The following MKLN1 variants were observed in gnomAD, a reference collection of about 807,000 sequenced individuals.
MKLN1 encodes muskelin 1.
MKLN1 carries 18 observed loss-of-function variants against 99.0 expected under a neutral mutation model. That is an observed-to-expected ratio of 0.18 (90% CI 0.13 to 0.27). The LOEUF (loss-of-function observed/expected upper bound fraction) is 0.27. MKLN1 is among the 10% of genes least tolerant of loss of function. MKLN1 has a pLI of 1.00. For missense variants in MKLN1, 621 were observed against 875.9 expected (o/e 0.71, Z 3.67); for synonymous variants, 288 against 293.2 (o/e 0.98, Z 0.18).
intron 3 of MKLN1, among the ~76,000 whole-genome samples, chr7:131,314,235 T>C (rs1798621755): frequency 6.6e-6 from 1 of 152,164 alleles, no homozygotes; most frequent in South Asian, 2.1e-4. Context: ...CAGAGTTTTG[T>C]GCTGGAAACT....
intron 2 of MKLN1, among the ~76,000 whole-genome samples, chr7:131,186,769 A>G (rs916445590): frequency 3.9e-5 from 6 of 152,198 alleles, no homozygotes; most frequent in African/African-American, 1.2e-4. Flanking sequence ...GGCCCATAGT[A>G]AGTGTCTGGT....
intron 8 of MKLN1, among the ~76,000 whole-genome samples, chr7:131,423,679 G>T (rs1795270321): frequency 6.6e-6 from 1 of 152,148 alleles, no homozygotes; most frequent in Non-Finnish European, 1.5e-5. Context: ...AGTTTTTCTT[G>T]ATGTTCCTTA....
chr7:131,478,589 C>G (rs1251776455), intron 16 of MKLN1, 34 bp from the exon 17 acceptor site: 2 of 1,374,838 alleles, frequency 1.5e-6, no homozygotes, highest in Non-Finnish European at 1.9e-6. Flanking sequence ...AGCTAATTTG[C>G]TGCTTCTTTT....
In MKLN1 at chr7:131,172,260, C is replaced by A. The variant is rs191404907; in HGVS notation, c.-297+29319C>A. ...GGTTCAGGCCAGTCTCCTATCTCAG[C>A]CTCCCAAGTAACTGGGACTACAGGC... On this transcript the variant is annotated intron_variant, in intron 2 of 7. Transcript: ENST00000416992. 7.7e-3 allele frequency among the ~76,000 whole-genome samples: 1,168 copies of A among 151,712 alleles called. 12 individuals carry two copies. The highest frequency in any genetic ancestry group is 0.011 in the Non-Finnish European group (725 of 67,912).
chr7:131,424,497 G>A (rs1795300118), intron 8 of MKLN1, among the ~76,000 whole-genome samples: 1 of 151,452 alleles, frequency 6.6e-6, no homozygotes, highest in Admixed American at 6.6e-5. Flanking sequence ...ATTGCACTTG[G>A]GCACTAAAAA....
intron 9 of MKLN1, among the ~76,000 whole-genome samples, chr7:131,433,746 T>C (rs1795594939): frequency 6.6e-6 from 1 of 152,234 alleles, no homozygotes; most frequent in Non-Finnish European, 1.5e-5. Context: ...ACTGTAGCTT[T>C]ATAGTAATTC....
At chr7:131,112,159 G>A (rs941827626) in intron 1 of MKLN1, among the ~76,000 whole-genome samples, 1 of 152,226 alleles carries the variant, frequency 6.6e-6, no homozygotes, top group Non-Finnish European at 1.5e-5. Flanking sequence ...TGAAAAAGAT[G>A]TATAATGGCA....
At chr7:131,199,912 G>A (rs1796702802) in intron 2 of MKLN1, among the ~76,000 whole-genome samples, 1 of 152,096 alleles carries the variant, frequency 6.6e-6, no homozygotes, top group African/African-American at 2.4e-5. Flanking sequence ...TGGCCAGGCT[G>A]GTATGGAACT....
chr7:131,488,926 A>C lies in MKLN1; in HGVS notation c.*1198A>C, dbSNP rs540383070. On this transcript the variant is annotated 3_prime_UTR_variant, in exon 18 of 18. Transcript: ENST00000352689. ...TTTTTTGTGTGAGAGATAGAGGTAC[A>C]TGTCTTCTGATGATGTGCTGTGGAA... The C allele has an allele frequency of 6.6e-6, 1 of 152,282 alleles. No individual in the cohort carries two copies. Among genetic ancestry groups the C allele is most frequent in the African/African-American group, 2.4e-5 (1 of 41,562 alleles). 9.4% of individuals were successfully genotyped at this position (152,282 alleles called of 1,614,324 possible).
intron 1 of MKLN1, among the ~76,000 whole-genome samples, chr7:131,131,093 C>T (rs149043698): frequency 6.9e-6 from 1 of 144,378 alleles, no homozygotes; most frequent in African/African-American, 2.6e-5. Flanking sequence ...TGGTGGCTCA[C>T]ACCTGTAATC....
chr7:131,436,290 T>A (rs150116026), intron 9 of MKLN1, among the ~76,000 whole-genome samples: 138 of 152,296 alleles, frequency 9.1e-4, no homozygotes, highest in Admixed American at 8.5e-3. Context: ...TTATGTTATA[T>A]CTTGCTTTAG....
chr7:131,212,950 C>T (rs1796929200), intron 3 of MKLN1, among the ~76,000 whole-genome samples: 1 of 151,686 alleles, frequency 6.6e-6, no homozygotes, highest in African/African-American at 2.4e-5. Flanking sequence ...AAACACCTAC[C>T]TTAACAGATC....
intron 3 of MKLN1, among the ~76,000 whole-genome samples, chr7:131,248,181 C>T (rs746433630): frequency 2.6e-5 from 4 of 151,960 alleles, no homozygotes; most frequent in Non-Finnish European, 4.4e-5. Context: ...CTCCCTCGGC[C>T]TCCCAAAATG....
intron 1 of MKLN1, among the ~76,000 whole-genome samples, chr7:131,137,738 C>A (rs1169809510): frequency 6.6e-6 from 1 of 151,730 alleles, no homozygotes; most frequent in Non-Finnish European, 1.5e-5. Context: ...CCATACCCGG[C>A]TGATTTTTGT....
At chr7:131,289,470 G>GA (rs1206863884) in intron 3 of MKLN1, among the ~76,000 whole-genome samples, 3 of 152,032 alleles carry the variant, frequency 2.0e-5, no homozygotes, top group African/African-American at 4.8e-5. Flanking sequence ...TACAAAAAAT[G>GA]AAAAAACAAC....
chr7:131,330,191 T>G (rs1236979873), intron 1 of MKLN1, among the ~76,000 whole-genome samples: 1 of 152,174 alleles, frequency 6.6e-6, no homozygotes, highest in Non-Finnish European at 1.5e-5. Flanking sequence ...TTTACTTACC[T>G]TTGCCCTAAA....
intron 1 of MKLN1, among the ~76,000 whole-genome samples, chr7:131,128,315 T>C (rs1032336539): frequency 3.3e-5 from 5 of 151,648 alleles, no homozygotes; most frequent in African/African-American, 1.2e-4. Context: ...ACCCATATAA[T>C]AGGGGTGATA....
At chr7:131,404,454 A>G (rs1794642025) in intron 6 of MKLN1, among the ~76,000 whole-genome samples, 1 of 151,992 alleles carries the variant, frequency 6.6e-6, no homozygotes, top group South Asian at 2.1e-4. Context: ...AGCCTGGACT[A>G]TTGGTGCATG....
At chr7:131,419,252 G>GT (rs11482221) in intron 8 of MKLN1, among the ~76,000 whole-genome samples, 8,435 of 115,340 alleles carry the variant, frequency 0.073, 551 homozygotes, top group East Asian at 0.19. Context: ...ATATATTTTT[G>GT]TTTTTTTTTT....
Sources: gnomAD v4.1 joint callset for allele counts (sites outside exome capture counted in the v4.1 genomes callset) on GRCh38, gnomAD v4.1.1 for gene constraint, MANE v1.5 for transcripts, NCBI Gene and HGNC (gene_info 2026-07-23, HGNC 2026-07-21) for gene names.